AP4S1: variants seen among roughly 807,000 people sequenced by gnomAD.
The protein encoded by AP4S1 is AP-4 complex subunit sigma-1.
Under a neutral mutation model 19.8 loss-of-function variants are expected in AP4S1, and 23 were observed. The ratio of observed to expected loss-of-function variants is 1.16; its 90% confidence interval spans 0.84 to 1.65. The LOEUF (loss-of-function observed/expected upper bound fraction) is 1.65, where lower values mean the gene tolerates loss of function less well. AP4S1 is among the 40% of genes most tolerant of loss of function. The pLI is 0.00. For synonymous variants in AP4S1, 46 were observed against 54.1 expected, an observed-to-expected ratio of 0.85 and a Z score of 0.66; for missense variants, 166 against 172.8, an observed-to-expected ratio of 0.96 and a Z score of 0.22.
intron 5 of AP4S1, among the ~76,000 whole-genome samples, chr14:31,082,936 C>G (rs1887729820): frequency 6.6e-6 from 1 of 151,758 alleles, no homozygotes; most frequent in Non-Finnish European, 1.5e-5. Flanking sequence ...AACACCTGAT[C>G]AGCCTTAATA....
intron 4 of AP4S1, chr14:31,073,284 A>G (rs180903616): frequency 2.5e-5 from 8 of 323,668 alleles, no homozygotes; most frequent in African/African-American, 1.1e-4. Context: ...AGGTCAGGAG[A>G]TGGAGACCAT....
chr14:31,033,484 T>A (rs1034810035), intron 1 of AP4S1, among the ~76,000 whole-genome samples: 2 of 152,164 alleles, frequency 1.3e-5, no homozygotes, highest in Non-Finnish European at 2.9e-5. Context: ...AGTGCTGGGA[T>A]TACAGGCGTG....
At position 31,048,847 on chromosome 14, in the gene AP4S1, T is replaced by C. The variant is rs537398953; in HGVS notation, c.-71-17279T>C. Among the ~76,000 whole-genome samples the C allele has an allele frequency of 2.0e-5, 3 of 152,324 alleles. No individual in the cohort carries two copies. The South Asian group carries it at 6.2e-4, about 32-fold the overall frequency. On this transcript the variant is annotated intron_variant, in intron 1 of 5. Coordinates refer to ENST00000542754, the MANE Select transcript of AP4S1 (RefSeq NM_001128126.3). Reference sequence around the variant, plus strand: ...CTTTGGGAGAGACACCCTGTGGTTTTGAGGGAGGAGGCTACCACCCAACCA... The same window carrying C: ...CTTTGGGAGAGACACCCTGTGGTTTCGAGGGAGGAGGCTACCACCCAACCA...
chr14:31,051,516 C>CA (rs150427275), intron 1 of AP4S1, among the ~76,000 whole-genome samples: 2,695 of 152,122 alleles, frequency 0.018, 73 homozygotes, highest in African/African-American at 0.061. Flanking sequence ...ACTAAAAATA[C>CA]AAAAAAATAC....
At chr14:31,033,568 A>G (rs762048624) in intron 1 of AP4S1, among the ~76,000 whole-genome samples, 3 of 152,226 alleles carry the variant, frequency 2.0e-5, no homozygotes, top group Non-Finnish European at 4.4e-5. Flanking sequence ...CCAGAGGAAG[A>G]TCTTTAAGAA....
chr14:31,025,870 C>T lies in AP4S1; in HGVS notation c.-72+83C>T, dbSNP rs773238982. 6 of 1,582,062 alleles carry T rather than the reference C, an allele frequency of 3.8e-6. No homozygotes were observed. In the Admixed American group the frequency reaches 5.4e-5, roughly 14 times the overall value. On this transcript the variant is annotated intron_variant, in intron 1 of 5. Coordinates refer to ENST00000542754, the MANE Select transcript of AP4S1 (RefSeq NM_001128126.3). ...CACCCCCCGGCCGGGAACCCAGCCG[C>T]CGCAGCTCCCGCACACCGACCCCAA...
At position 31,066,320 on chromosome 14, in the gene AP4S1, C is replaced by T. The variant is rs387906970; in HGVS notation, c.124C>T (p.Arg42Ter). Residue 42 changes from arginine (R) to a stop codon, truncating the protein, a stop_gained, in exon 2 of 6, where the codon CGA (arginine) becomes TGA (stop). Transcript: ENST00000542754. LOFTEE classifies it high-confidence loss of function. ...AGAAGTCATAAAGAGCTGTCTCTCT[C>T]GATCCAATGAACAAGTAAGTCTCTG... Reference protein sequence around the residue: ...ETEVIKSCLSRSNEQCSFIEY... With the variant: ...ETEVIKSCLS 20 of 1,613,794 alleles carry T rather than the reference C, an allele frequency of 1.2e-5. No individual in the cohort carries two copies. The highest frequency in any genetic ancestry group is 8.3e-5 in the Admixed American group (5 of 59,988).
chr14:31,064,089 C>T, intron 1 of AP4S1, among the ~76,000 whole-genome samples: 1 of 152,028 alleles, frequency 6.6e-6, no homozygotes, highest in East Asian at 1.9e-4. Context: ...GTAAGAGAAA[C>T]AAATATGAGA....
intron 1 of AP4S1, among the ~76,000 whole-genome samples, chr14:31,033,505 C>T (rs1214148090): frequency 6.6e-6 from 1 of 152,246 alleles, no homozygotes. Flanking sequence ...AGCCACTCCG[C>T]CCGCCACAGT....
intron 1 of AP4S1, 130 bp from the exon 2 acceptor site, chr14:31,065,996 G>A (rs919817672): frequency 5.7e-5 from 30 of 522,716 alleles, no homozygotes; most frequent in Non-Finnish European, 9.1e-5. Flanking sequence ...TAGTTCATAG[G>A]AATAAAGACT....
chr14:31,049,338 C>T (rs1460456533), intron 1 of AP4S1, among the ~76,000 whole-genome samples: 1 of 145,780 alleles, frequency 6.9e-6, no homozygotes, highest in African/African-American at 2.5e-5. Context: ...GGTGTGAACC[C>T]GGGAGGCAGA....
At chr14:31,066,741 TACTGAAG>T (rs1215435201) in intron 2 of AP4S1, among the ~76,000 whole-genome samples, 105 of 152,312 alleles carry the variant, frequency 6.9e-4, no homozygotes, top group African/African-American at 2.5e-3. Flanking sequence ...TAGAGGTGAA[TACTGAAG>T]ACCCATTTTG....
rs1429205426 is a variant in AP4S1 at position 31,052,811 on chromosome 14, A to G, written c.-71-13315A>G. Among the ~76,000 whole-genome samples, 5 of 151,924 alleles carry G rather than the reference A, an allele frequency of 3.3e-5. 1 individual carries two copies. The highest frequency in any genetic ancestry group is 5.9e-5 in the Non-Finnish European group (4 of 67,998). On this transcript the variant is annotated intron_variant, in intron 1 of 5. Coordinates refer to ENST00000542754, the MANE Select transcript of AP4S1 (RefSeq NM_001128126.3). Reference sequence around the variant, plus strand: ...TAGCAGGTTACATGGCAGAAAGTGTATAGCAATCTAAAAGACCAGTAAAAA... The same window carrying G: ...TAGCAGGTTACATGGCAGAAAGTGTGTAGCAATCTAAAAGACCAGTAAAAA...
chr14:31,074,497 C>T (rs1433031863), intron 4 of AP4S1, among the ~76,000 whole-genome samples: 1 of 152,070 alleles, frequency 6.6e-6, no homozygotes, highest in Admixed American at 6.6e-5. Context: ...TCCTGGCTAT[C>T]ACGGTGAAAC....
Position 31,080,601 on chromosome 14 carries a change from C to G in AP4S1, c.306+17C>G. 1 of 1,613,822 alleles carries G rather than the reference C, an allele frequency of 6.2e-7. No homozygotes were observed. Among genetic ancestry groups the G allele is most frequent in the Non-Finnish European group, 8.5e-7 (1 of 1,179,756 alleles). On this transcript the variant is annotated intron_variant, in intron 5 of 5. Coordinates refer to ENST00000542754, the MANE Select transcript of AP4S1 (RefSeq NM_001128126.3). ...GAATTAGATGTATCCTTTTTCAATACTGTTTTCCACAGTACTTGGCAAATG... is the reference window on the plus strand; with the variant it reads ...GAATTAGATGTATCCTTTTTCAATAGTGTTTTCCACAGTACTTGGCAAATG...
intron 1 of AP4S1, among the ~76,000 whole-genome samples, chr14:31,040,910 TA>T (rs1285626542): frequency 6.6e-6 from 1 of 151,624 alleles, no homozygotes; most frequent in Non-Finnish European, 1.5e-5. Context: ...CCGTCTCTAC[TA>T]AAAATACAAA....
At chr14:31,076,097 T>C (rs1220419730) in intron 4 of AP4S1, among the ~76,000 whole-genome samples, 1 of 152,230 alleles carries the variant, frequency 6.6e-6, no homozygotes, top group East Asian at 1.9e-4. Context: ...TTTCCAGTTT[T>C]TGGCTACTGT....
At chr14:31,051,942 TGAGCCAC>T (rs1885820324) in intron 1 of AP4S1, among the ~76,000 whole-genome samples, 1 of 152,174 alleles carries the variant, frequency 6.6e-6, no homozygotes, top group Admixed American at 6.5e-5. Context: ...ATTACAGGCA[TGAGCCAC>T]GATGCCCGGT....
At chr14:31,051,525 A>G (rs541677719) in intron 1 of AP4S1, among the ~76,000 whole-genome samples, 1 of 152,096 alleles carries the variant, frequency 6.6e-6, no homozygotes, top group Non-Finnish European at 1.5e-5. Context: ...ACAAAAAAAT[A>G]CAAAAATCTT....
Sources: allele counts gnomAD v4.1 joint callset (sites outside exome capture counted in the v4.1 genomes callset), GRCh38; gene constraint gnomAD v4.1.1; transcripts MANE v1.5; gene names NCBI Gene and HGNC (gene_info 2026-07-23, HGNC 2026-07-21).